CYP2F1: variants seen among roughly 807,000 people sequenced by gnomAD.
CYP2F1 encodes cytochrome P450 2F1.
CYP2F1 carries 33 observed loss-of-function variants against 40.4 expected under a neutral mutation model. That is an observed-to-expected ratio of 0.82 (90% CI 0.62 to 1.09). CYP2F1 has a LOEUF of 1.09. Among genes scored for constraint, CYP2F1 ranks in the 50% least tolerant of loss-of-function variants. The pLI is 0.00. For synonymous variants in CYP2F1, 235 were observed against 277.2 expected (o/e 0.85, Z 1.51); for missense variants, 566 against 655.7 (o/e 0.86, Z 1.49).
Position 41,128,060 on chromosome 19 carries a change from A to G in CYP2F1, c.1454A>G (p.Gln485Arg), listed in dbSNP as rs1316527377. 1.9e-6 allele frequency: 3 copies of G among 1,607,170 alleles called. No individual in the cohort carries two copies. Among genetic ancestry groups the G allele is most frequent in the African/African-American group, 1.4e-5 (1 of 73,866 alleles). The part of the protein sequence containing the change: ...SGLGNLPRPF[Q>R]LCLRPR ...CTTGGCAATTTGCCGCGGCCTTTCC[A>G]GCTGTGCCTGCGCCCGCGCTAACGC... Residue 485 changes from glutamine (Q) to arginine (R), a missense_variant, in exon 10 of 10, where the codon CAG (glutamine) becomes CGG (arginine). By Grantham distance (43) the Gln-to-Arg change is conservative (BLOSUM62 1). Coordinates refer to ENST00000331105, the MANE Select transcript of CYP2F1 (RefSeq NM_000774.5).
At chr19:41,126,557 G>A (rs1028562322) in intron 9 of CYP2F1, among the ~76,000 whole-genome samples, 1 of 152,024 alleles carries the variant, frequency 6.6e-6, no homozygotes, top group African/African-American at 2.4e-5. Context: ...TTCAAGACCA[G>A]CCTGGACAAC....
At position 41,122,680 on chromosome 19, in the gene CYP2F1, G is replaced by A. The variant is rs2032295736; in HGVS notation, c.823-142G>A. The A allele has an allele frequency of 3.8e-6, 3 of 788,132 alleles. No individual in the cohort carries two copies. In the East Asian group the frequency reaches 8.8e-5, roughly 23 times the overall value. The allele number at this position is 788,132 out of a possible 1,614,324, so 48.8% of individuals were successfully genotyped here. ...CTGCAGCTGAGATTTTCCCTGCCCTGCCCTTCTCCGTTCCCCAGCTCTCCC... is the reference window on the plus strand; with the variant it reads ...CTGCAGCTGAGATTTTCCCTGCCCTACCCTTCTCCGTTCCCCAGCTCTCCC... On this transcript the variant is annotated intron_variant, in intron 6 of 9. Transcript: ENST00000331105.
At chr19:41,124,254 CCTT>C (rs2032410402) in intron 7 of CYP2F1, among the ~76,000 whole-genome samples, 2 of 72,462 alleles carry the variant, frequency 2.8e-5, no homozygotes, top group Admixed American at 1.6e-4. Flanking sequence ...TTCCCCCCCC[CCTT>C]TTTTTTTTTT....
intron 7 of CYP2F1, among the ~76,000 whole-genome samples, chr19:41,124,222 T>G (rs543245268): frequency 2.4e-4 from 33 of 137,376 alleles, no homozygotes; most frequent in Admixed American, 1.5e-3. Context: ...AGACCCTGGC[T>G]AATTCTTTTT....
At chr19:41,122,433 A>T in intron 6 of CYP2F1, among the ~76,000 whole-genome samples, 1 of 152,080 alleles carries the variant, frequency 6.6e-6, no homozygotes, top group East Asian at 1.9e-4. Flanking sequence ...GGAGTTCGAG[A>T]CCAGCCTGGA....
chr19:41,127,767 C>G lies in CYP2F1; in HGVS notation c.1295-134C>G, dbSNP rs1343696701. 5 of 702,878 alleles carry G rather than the reference C, an allele frequency of 7.1e-6. No homozygotes were observed. The African/African-American group carries it at 7.2e-5, about 10-fold the overall frequency. 43.5% of individuals were successfully genotyped at this position (702,878 alleles called of 1,614,324 possible). A position where few individuals can be genotyped will look rare whatever the true frequency, so the allele number is the denominator to read the frequency against. On this transcript the variant is annotated intron_variant, in intron 9 of 9. Coordinates refer to ENST00000331105, the MANE Select transcript of CYP2F1 (RefSeq NM_000774.5). ...ACAGTTTAAAGCATCTTTCCCAGTT[C>G]TTTACATGGGTGAATCTGTGACGTC...
At chr19:41,116,053 C>T in intron 1 of CYP2F1, 125 bp from the exon 2 acceptor site, 1 of 842,870 alleles carries the variant, frequency 1.2e-6, no homozygotes, top group East Asian at 2.6e-5. Context: ...CATCCCCTGG[C>T]CTCTCCCTGT....
At chr19:41,115,271 C>T (rs781054754) in intron 1 of CYP2F1, among the ~76,000 whole-genome samples, 15 of 152,050 alleles carry the variant, frequency 9.9e-5, no homozygotes, top group South Asian at 2.1e-4. Context: ...TCCCTCTTAC[C>T]CTTTTTCTCT....
chr19:41,117,674 T>C (rs924846629), intron 3 of CYP2F1, among the ~76,000 whole-genome samples: 3 of 152,080 alleles, frequency 2.0e-5, no homozygotes, highest in Admixed American at 6.6e-5. Context: ...ATCAATCTTA[T>C]AACCCCCTTC....
intron 3 of CYP2F1, among the ~76,000 whole-genome samples, chr19:41,117,918 C>G (rs2031919268): frequency 6.6e-6 from 1 of 152,052 alleles, no homozygotes; most frequent in Admixed American, 6.6e-5. Flanking sequence ...GACGCAATCT[C>G]AGCTCACTGC....
chr19:41,116,481 C>T lies in CYP2F1; in HGVS notation c.198C>T (p.Tyr66=). 2 of 1,613,642 alleles carry T rather than the reference C, an allele frequency of 1.2e-6. No individual in the cohort carries two copies. Among genetic ancestry groups the T allele is most frequent in the East Asian group, 2.2e-5 (1 of 44,864 alleles). ...TGAGCAAGGAGTATGGCTCCATGTACACAGTGCACCTGGGACCCAGGCGGG... is the reference window on the plus strand; with the variant it reads ...TGAGCAAGGAGTATGGCTCCATGTATACAGTGCACCTGGGACCCAGGCGGG... ...TKLSKEYGSM[Y]TVHLGPRRVV... The change falls in exon 3 of 10, where the codon TAC becomes TAT. Residue 66 remains tyrosine (Y), a synonymous_variant. Transcript: ENST00000331105.
intron 3 of CYP2F1, among the ~76,000 whole-genome samples, chr19:41,119,717 C>CTA (rs2032039103): frequency 1.0e-4 from 4 of 39,156 alleles, no homozygotes; most frequent in African/African-American, 1.8e-4. Flanking sequence ...CTCTCTCTCT[C>CTA]TCTCTCTATA....
intron 3 of CYP2F1, among the ~76,000 whole-genome samples, chr19:41,118,342 G>T (rs2144748500): frequency 6.6e-6 from 1 of 152,162 alleles, no homozygotes; most frequent in East Asian, 1.9e-4. Context: ...ATCATGATTG[G>T]AAAGGGGATC....
chr19:41,124,704 C>T lies in CYP2F1; in HGVS notation c.965-15C>T. On this transcript the variant is annotated splice_polypyrimidine_tract_variant and intron_variant, in intron 7 of 9. Coordinates refer to ENST00000331105, the MANE Select transcript of CYP2F1 (RefSeq NM_000774.5). ...CCGCTGATACCCTCGACCCCGCTTC[C>T]CGCTTCCTCTCCAGCCCGCGTGCAG... is the stretch of plus-strand genomic sequence containing the variant. 2 of 1,596,738 alleles carry T rather than the reference C, an allele frequency of 1.3e-6. No individual in the cohort carries two copies. Among genetic ancestry groups the T allele is most frequent in the South Asian group, 1.1e-5 (1 of 90,452 alleles).
intron 3 of CYP2F1, 31 bp downstream of exon 3, chr19:41,116,648 G>C: frequency 1.2e-6 from 2 of 1,608,892 alleles, no homozygotes; most frequent in Non-Finnish European, 1.7e-6. Context: ...CTCCGCTCTC[G>C]GCCTTTTCCA....
intron 2 of CYP2F1, 48 bp downstream of exon 2, chr19:41,116,407 G>T: frequency 6.2e-7 from 1 of 1,608,908 alleles, no homozygotes; most frequent in Non-Finnish European, 8.5e-7. Context: ...AGGAGGAGGG[G>T]TCCCATGGCC....
chr19:41,114,811 T>TTTG (rs2031695115), intron 1 of CYP2F1, among the ~76,000 whole-genome samples: 9 of 143,560 alleles, frequency 6.3e-5, no homozygotes, highest in South Asian at 4.5e-4. Flanking sequence ...TTTTTTTTTT[T>TTTG]GAGGCTGGAG....
At chr19:41,126,624 T>A (rs1296057334) in intron 9 of CYP2F1, among the ~76,000 whole-genome samples, 1 of 151,564 alleles carries the variant, frequency 6.6e-6, no homozygotes, top group East Asian at 1.9e-4. Context: ...TGGTGTGGTG[T>A]GCATCTGTGG....
At chr19:41,115,838 G>C (rs2031762166) in intron 1 of CYP2F1, among the ~76,000 whole-genome samples, 1 of 152,140 alleles carries the variant, frequency 6.6e-6, no homozygotes, top group African/African-American at 2.4e-5. Flanking sequence ...ATAGATGGCT[G>C]ATAGGTAGAC....
Sources: gnomAD v4.1 joint callset for allele counts (sites outside exome capture counted in the v4.1 genomes callset) on GRCh38, gnomAD v4.1.1 for gene constraint, MANE v1.5 for transcripts, NCBI Gene and HGNC (gene_info 2026-07-23, HGNC 2026-07-21) for gene names.